Variants in KIAA1549L observed in about 807,000 individuals in gnomAD.
KIAA1549L encodes UPF0606 protein KIAA1549L.
KIAA1549L carries 88 observed loss-of-function variants against 160.7 expected under a neutral mutation model. That is an observed-to-expected ratio of 0.55 (90% CI 0.46 to 0.65). The LOEUF (loss-of-function observed/expected upper bound fraction) is 0.65, where lower values mean the gene tolerates loss of function less well. KIAA1549L is among the 30% of genes least tolerant of loss of function. The pLI, the probability that KIAA1549L is intolerant of heterozygous loss-of-function variation, is 0.00. For synonymous variants in KIAA1549L, 950 were observed against 976.7 expected (o/e 0.97, Z 0.51); for missense variants, 2,258 against 2,437.5 (o/e 0.93, Z 1.55).
chr11:33,672,531 C>G lies in KIAA1549L; in HGVS notation c.*4377C>G, dbSNP rs933025160. On this transcript the variant is annotated 3_prime_UTR_variant, in exon 21 of 21. Coordinates refer to ENST00000658780, the MANE Select transcript of KIAA1549L (RefSeq NM_012194.3). ...GGGGGCTGGTACCCAGAAGAAGGAG[C>G]ATGAGTGGGCAAGACCTTCAAAAAG... 6.5e-6 allele frequency: 1 copy of G among 153,674 alleles called. No individual in the cohort carries two copies. The allele number at this position is 153,674 out of a possible 1,614,324, so 9.5% of individuals were successfully genotyped here. A position where few individuals can be genotyped will look rare whatever the true frequency, so the allele number is the denominator to read the frequency against.
intron 1 of KIAA1549L, among the ~76,000 whole-genome samples, chr11:33,433,181 A>G (rs1851286420): frequency 1.3e-5 from 2 of 152,244 alleles, no homozygotes; most frequent in Admixed American, 6.5e-5. Context: ...AATTTTTGCA[A>G]TCTACTCATC....
intron 1 of KIAA1549L, among the ~76,000 whole-genome samples, chr11:33,533,659 G>C (rs777029463): frequency 1.3e-5 from 2 of 152,174 alleles, no homozygotes; most frequent in Non-Finnish European, 2.9e-5. Flanking sequence ...TTTTATTTCA[G>C]CTTGTCTGGC....
intron 1 of KIAA1549L, among the ~76,000 whole-genome samples, chr11:33,476,567 A>C (rs1852289934): frequency 6.6e-6 from 1 of 152,174 alleles, no homozygotes; most frequent in South Asian, 2.1e-4. Context: ...ACAGTAGCCT[A>C]CTGGCACCTA....
chr11:33,459,955 C>T (rs1406673474), intron 1 of KIAA1549L, among the ~76,000 whole-genome samples: 5 of 31,024 alleles, frequency 1.6e-4, no homozygotes, highest in East Asian at 4.7e-4. Flanking sequence ...AGCGAGACTC[C>T]GTCTCAAAAA....
At chr11:33,573,294 T>C (rs1180874926) in intron 9 of KIAA1549L, among the ~76,000 whole-genome samples, 2 of 152,168 alleles carry the variant, frequency 1.3e-5, no homozygotes, top group Non-Finnish European at 2.9e-5. Flanking sequence ...ACTCCCTTCT[T>C]CCCTCTTCAG....
At chr11:33,499,820 A>G (rs1421158076) in intron 1 of KIAA1549L, among the ~76,000 whole-genome samples, 1 of 152,190 alleles carries the variant, frequency 6.6e-6, no homozygotes, top group Non-Finnish European at 1.5e-5. Flanking sequence ...TGACAGCCCT[A>G]TGGTAGTGAT....
chr11:33,539,893 T>C (rs1039681001), intron 1 of KIAA1549L, among the ~76,000 whole-genome samples: 1 of 152,218 alleles, frequency 6.6e-6, no homozygotes, highest in Non-Finnish European at 1.5e-5. Flanking sequence ...CACATGTGAA[T>C]GTCAAGCACT....
intron 1 of KIAA1549L, among the ~76,000 whole-genome samples, chr11:33,441,500 C>T (rs996638685): frequency 1.0e-4 from 15 of 149,428 alleles, no homozygotes; most frequent in African/African-American, 3.5e-4. Flanking sequence ...CGCCACACGA[C>T]TTCCACAATG....
intron 16 of KIAA1549L, among the ~76,000 whole-genome samples, chr11:33,624,755 C>CTTTTTTTTTTTATT (rs144470196): frequency 7.1e-6 from 1 of 141,698 alleles, no homozygotes; most frequent in African/African-American, 2.6e-5. Flanking sequence ...TTAATTTTTG[C>CTTTTTTTTTTTATT]TTTTTTTTTA....
chr11:33,547,992 G>A, intron 4 of KIAA1549L, 113 bp downstream of exon 4: 1 of 693,442 alleles, frequency 1.4e-6, no homozygotes, highest in South Asian at 1.9e-5. Context: ...CTGGCCAGAA[G>A]TAGAATCTGT....
At chr11:33,380,595 TTC>T (rs1850054547) in intron 1 of KIAA1549L, among the ~76,000 whole-genome samples, 1 of 152,126 alleles carries the variant, frequency 6.6e-6, no homozygotes, top group Non-Finnish European at 1.5e-5. Flanking sequence ...TCTGTTAATT[TTC>T]TGTCTTGATG....
intron 1 of KIAA1549L, among the ~76,000 whole-genome samples, chr11:33,456,417 T>G (rs1289700335): frequency 1.3e-5 from 2 of 151,934 alleles, no homozygotes; most frequent in East Asian, 1.9e-4. Context: ...TGTTGTTGTT[T>G]TTTGTTTTTG....
At chr11:33,643,835 C>T (rs1398202808) in intron 16 of KIAA1549L, among the ~76,000 whole-genome samples, 1 of 152,216 alleles carries the variant, frequency 6.6e-6, no homozygotes, top group African/African-American at 2.4e-5. Context: ...AAGAACGTAA[C>T]TTTCAAGGGT....
intron 1 of KIAA1549L, among the ~76,000 whole-genome samples, chr11:33,397,327 CTG>C (rs1850398426): frequency 1.0e-5 from 1 of 97,658 alleles, no homozygotes; most frequent in South Asian, 3.9e-4. Context: ...AGGTGAGACT[CTG>C]TGTCAAAAAA....
At chr11:33,380,054 G>A (rs1850042935) in intron 1 of KIAA1549L, among the ~76,000 whole-genome samples, 1 of 152,206 alleles carries the variant, frequency 6.6e-6, no homozygotes, top group Admixed American at 6.5e-5. Flanking sequence ...TGTTGATGGT[G>A]GCATTTCTGG....
Position 33,504,695 on chromosome 11 carries a change from T to C in KIAA1549L, c.239-37107T>C, listed in dbSNP as rs189834059. ...GTTGGCCAGGCTGGTCTCAAACTCC[T>C]GACCTCAAGTGATCCACCTGCCTTG... On this transcript the variant is annotated intron_variant, in intron 1 of 20. Transcript: ENST00000658780. 8.0e-3 allele frequency among the ~76,000 whole-genome samples: 1,212 copies of C among 152,282 alleles called. 32 individuals are homozygous for C. Among genetic ancestry groups the C allele is most frequent in the Admixed American group, 0.053 (804 of 15,298 alleles).
At chr11:33,464,530 C>G (rs1852008538) in intron 1 of KIAA1549L, among the ~76,000 whole-genome samples, 1 of 150,790 alleles carries the variant, frequency 6.6e-6, no homozygotes, top group Non-Finnish European at 1.5e-5. Context: ...GCATGCCCCC[C>G]CCCACACACG....
chr11:33,612,599 G>GTTT (rs112294501), intron 15 of KIAA1549L, among the ~76,000 whole-genome samples: 1 of 143,164 alleles, frequency 7.0e-6, no homozygotes, highest in Non-Finnish European at 1.5e-5. Flanking sequence ...AGACTGGGTA[G>GTTT]TTTTTTTTTT....
chr11:33,552,079 T>C, intron 5 of KIAA1549L, 29 bp from the exon 6 acceptor site: 2 of 1,612,984 alleles, frequency 1.2e-6, no homozygotes, highest in Non-Finnish European at 1.7e-6. Flanking sequence ...GGAGCTTTAG[T>C]GAGCACTGAT....
Sources: gnomAD v4.1 joint callset for allele counts (sites outside exome capture counted in the v4.1 genomes callset) on GRCh38, gnomAD v4.1.1 for gene constraint, MANE v1.5 for transcripts, NCBI Gene and HGNC (gene_info 2026-07-23, HGNC 2026-07-21) for gene names.